AVEN: variants seen among roughly 807,000 people sequenced by gnomAD.
AVEN encodes the protein apoptosis and caspase activation inhibitor.
Under a neutral mutation model 38.1 loss-of-function variants are expected in AVEN, and 41 were observed. That is an observed-to-expected ratio of 1.08 (90% CI 0.84 to 1.40). AVEN has a LOEUF of 1.40. Ranked by LOEUF, AVEN falls within the 40% of genes most tolerant of loss-of-function variation. The pLI is 0.00. For synonymous variants in AVEN, 206 were observed against 171.8 expected (o/e 1.20, Z -1.56); for missense variants, 605 against 438.8 (o/e 1.38, Z -3.38).
chr15:34,020,040 A>G (rs1028086621), intron 1 of AVEN, among the ~76,000 whole-genome samples: 3 of 152,232 alleles, frequency 2.0e-5, no homozygotes, highest in Non-Finnish European at 1.5e-5. Context: ...GGCTGGGCGC[A>G]GTGGTTCACA....
downstream of AVEN, among the ~76,000 whole-genome samples, chr15:33,863,731 G>GAC (rs1889383357): frequency 6.6e-6 from 1 of 152,154 alleles, no homozygotes; most frequent in Admixed American, 6.5e-5. Flanking sequence ...ATATTCTTGA[G>GAC]ACACACACAT....
At chr15:33,859,632 A>C in intron 11 of AVEN, 7 of 1,614,020 alleles carry the variant, frequency 4.3e-6, no homozygotes, top group Non-Finnish European at 5.9e-6. Context: ...TGGTGATGAA[A>C]TTGAAGACCC....
At chr15:34,049,980 T>C (rs375519512) in intron 5 of AVEN, among the ~76,000 whole-genome samples, 5 of 151,226 alleles carry the variant, frequency 3.3e-5, no homozygotes, top group African/African-American at 1.2e-4. Context: ...CTCTGCCTCC[T>C]GGATTCAAGC....
intron 1 of AVEN, among the ~76,000 whole-genome samples, chr15:34,017,252 C>G (rs964485803): frequency 6.6e-6 from 1 of 152,226 alleles, no homozygotes. Flanking sequence ...GAACTGAGCT[C>G]TCATACAAAA....
In AVEN at chr15:34,027,380, A is replaced by G. The variant is rs545111316; in HGVS notation, c.267+11400T>C. Among the ~76,000 whole-genome samples the G allele has an allele frequency of 5.8e-4, 88 of 152,036 alleles. 1 individual carries two copies. The East Asian group carries it at 0.011, about 20-fold the overall frequency. On this transcript the variant is annotated intron_variant, in intron 1 of 5. Transcript: ENST00000306730. The stretch of plus-strand genomic sequence containing the variant: ...AAATACAAAAAATAAAAATAAAAAA[A>G]CAGCCAGGCGTGTTGGTGGGCACCT...
At chr15:33,961,728 G>A (rs925736965) in intron 2 of AVEN, among the ~76,000 whole-genome samples, 5 of 144,998 alleles carry the variant, frequency 3.4e-5, no homozygotes, top group African/African-American at 7.7e-5. Context: ...CAGGAGAATG[G>A]CGTGAACCCG....
intron 3 of AVEN, chr15:34,066,242 G>A (rs536144943): frequency 2.0e-5 from 3 of 152,388 alleles, no homozygotes; most frequent in South Asian, 2.1e-4. Flanking sequence ...CCAACTGGGT[G>A]TGACTTCATG....
chr15:33,924,513 G>A lies in AVEN; in HGVS notation c.446-48518C>T, dbSNP rs537013921. Among the ~76,000 whole-genome samples the A allele has an allele frequency of 7.9e-5, 12 of 152,268 alleles. No homozygotes were observed. In the South Asian group the frequency reaches 2.3e-3, roughly 29 times the overall value. ...TTTCCTGATTTTTTTGTAGAGACAG[G>A]GTTTTGCCATGTTGCCCAGACTGGT... On this transcript the variant is annotated intron_variant, in intron 2 of 5. Coordinates refer to ENST00000306730, the MANE Select transcript of AVEN (RefSeq NM_020371.3).
At chr15:33,903,450 T>C (rs1371980576) in intron 2 of AVEN, among the ~76,000 whole-genome samples, 3 of 152,232 alleles carry the variant, frequency 2.0e-5, no homozygotes, top group Non-Finnish European at 4.4e-5. Flanking sequence ...CAAAATACTT[T>C]CAATAAATTC....
At chr15:33,856,979 C>T (rs572214541), downstream of AVEN, among the ~76,000 whole-genome samples, 1 of 152,046 alleles carries the variant, frequency 6.6e-6, no homozygotes, top group African/African-American at 2.4e-5. Context: ...TAAGCAGCAG[C>T]ATTAGAGTAG....
chr15:34,037,124 A>AT (rs1567481887), intron 1 of AVEN, among the ~76,000 whole-genome samples: 2 of 150,600 alleles, frequency 1.3e-5, no homozygotes, highest in African/African-American at 4.9e-5. Flanking sequence ...AAAAAAAAAA[A>AT]ATATATACCA....
downstream of AVEN, chr15:33,854,260 A>G (rs1382433152): frequency 2.8e-6 from 2 of 711,806 alleles, no homozygotes; most frequent in African/African-American, 3.7e-5. Flanking sequence ...GAGCACATAC[A>G]ACTTGATAAA....
intron 2 of AVEN, among the ~76,000 whole-genome samples, chr15:33,960,449 A>T (rs906147586): frequency 8.6e-5 from 13 of 151,966 alleles, no homozygotes; most frequent in African/African-American, 2.7e-4. Context: ...TGTGTGAGAG[A>T]GAGAGAGAGA....
At chr15:33,907,645 T>C (rs1171443441) in intron 2 of AVEN, among the ~76,000 whole-genome samples, 1 of 152,118 alleles carries the variant, frequency 6.6e-6, no homozygotes. Context: ...ACCTCTCCAT[T>C]CTGACAACTG....
chr15:33,974,879 G>A (rs183793635), intron 2 of AVEN, among the ~76,000 whole-genome samples: 186 of 152,260 alleles, frequency 1.2e-3, no homozygotes, highest in African/African-American at 4.2e-3. Context: ...GGCTGGGGCC[G>A]GAGAATCGCT....
chr15:33,970,900 A>T (rs1435776891), intron 2 of AVEN, among the ~76,000 whole-genome samples: 1 of 151,918 alleles, frequency 6.6e-6, no homozygotes, highest in African/African-American at 2.4e-5. Flanking sequence ...CTCCACCCCA[A>T]TTTGGTCCTT....
At chr15:33,877,926 G>A (rs1214131570) in intron 2 of AVEN, among the ~76,000 whole-genome samples, 1 of 152,126 alleles carries the variant, frequency 6.6e-6, no homozygotes, top group Non-Finnish European at 1.5e-5. Flanking sequence ...TCCAGCTTGG[G>A]CATCAGAGCA....
rs140003027 is a variant in AVEN, at chr15:33,920,324, C to T, written c.446-44329G>A. Among the ~76,000 whole-genome samples the T allele has an allele frequency of 1.8e-3, 267 of 152,306 alleles. 1 individual carries two copies. The highest frequency in any genetic ancestry group is 0.014 in the Middle Eastern group (4 of 294). ...CACCTTGCAAAGCTGAAACTACACT[C>T]ATTAAACAACTCATTTCCCCATCTC... On this transcript the variant is annotated intron_variant, in intron 2 of 5. Coordinates refer to ENST00000306730, the MANE Select transcript of AVEN (RefSeq NM_020371.3).
Position 33,899,460 on chromosome 15 carries a change from C to CTTTTTTTTTTTTTTT in AVEN, c.446-23480_446-23466dup, listed in dbSNP as rs533788693. Reference sequence around the variant, plus strand: ...TACATTTATTTGCTTCAGGGAAAACCTTTTTTTTTTTTTTTTTTTTTTTTT... The same window carrying CTTTTTTTTTTTTTTT: ...TACATTTATTTGCTTCAGGGAAAACCTTTTTTTTTTTTTTTTTTTTTTTTTTTTTTTTTTTTTTTT... On this transcript the variant is annotated intron_variant, in intron 2 of 5. Coordinates refer to ENST00000306730, the MANE Select transcript of AVEN (RefSeq NM_020371.3). Among the ~76,000 whole-genome samples, 67 of 65,426 alleles carry CTTTTTTTTTTTTTTT rather than the reference C, an allele frequency of 1.0e-3. 4 individuals are homozygous for CTTTTTTTTTTTTTTT. The highest frequency in any genetic ancestry group is 2.5e-3 in the East Asian group (5 of 2,030). The allele number at this position is 65,426 out of a possible 152,430, so 42.9% of individuals were successfully genotyped here.
Sources: gnomAD v4.1 joint callset for allele counts (sites outside exome capture counted in the v4.1 genomes callset) on GRCh38, gnomAD v4.1.1 for gene constraint, MANE v1.5 for transcripts, NCBI Gene and HGNC (gene_info 2026-07-23, HGNC 2026-07-21) for gene names.